The following PIBF1 variants were observed in gnomAD, a reference collection of about 807,000 sequenced individuals.
The protein encoded by PIBF1 is progesterone immunomodulatory binding factor 1, also known as progesterone-induced-blocking factor 1.
In PIBF1, 90 loss-of-function variants were observed where a neutral mutation model predicts 112.5. The observed-to-expected ratio is 0.80, with a 90% CI of 0.67 to 0.95. PIBF1 has a LOEUF of 0.95. Among genes scored for constraint, PIBF1 ranks in the 40% least tolerant of loss-of-function variants. PIBF1 has a pLI of 0.00. For missense variants in PIBF1, 915 were observed against 852.3 expected (o/e 1.07, Z -0.92); for synonymous variants, 301 against 288.6 (o/e 1.04, Z -0.44).
intron 5 of PIBF1, among the ~76,000 whole-genome samples, chr13:72,810,943 G>GC (rs2035978246): frequency 6.7e-6 from 1 of 150,276 alleles, no homozygotes; most frequent in South Asian, 2.1e-4. Flanking sequence ...TGCAAGCTCC[G>GC]CCCCCCAGGT....
intron 11 of PIBF1, among the ~76,000 whole-genome samples, chr13:72,897,870 C>T (rs184170530): frequency 1.1e-4 from 16 of 152,280 alleles, no homozygotes; most frequent in Non-Finnish European, 1.6e-4. Context: ...TTCAGTACTC[C>T]ACTGACAGCA....
intron 2 of PIBF1, among the ~76,000 whole-genome samples, chr13:72,787,111 A>G (rs1199545188): frequency 6.6e-6 from 1 of 152,176 alleles, no homozygotes; most frequent in Non-Finnish European, 1.5e-5. Context: ...ATGTGTGTAT[A>G]TATATGTTTA....
At chr13:72,888,841 C>T (rs563610826) in intron 10 of PIBF1, among the ~76,000 whole-genome samples, 4 of 145,824 alleles carry the variant, frequency 2.7e-5, no homozygotes, top group African/African-American at 1.0e-4. Flanking sequence ...AAACAAACCT[C>T]TTAGATACAC....
intron 16 of PIBF1, chr13:72,974,026 T>C (rs1336696410): frequency 6.8e-6 from 2 of 292,718 alleles, no homozygotes; most frequent in African/African-American, 2.1e-5. Context: ...ATAATTTGTG[T>C]TGAGCTTTAA....
intron 6 of PIBF1, among the ~76,000 whole-genome samples, chr13:72,826,306 C>T (rs1240043283): frequency 6.6e-6 from 1 of 152,046 alleles, no homozygotes; most frequent in African/African-American, 2.4e-5. Flanking sequence ...AAAAGGCTTT[C>T]TAAACGTTTT....
intron 10 of PIBF1, among the ~76,000 whole-genome samples, chr13:72,881,574 G>A (rs1329934479): frequency 6.6e-6 from 1 of 151,958 alleles, no homozygotes; most frequent in Non-Finnish European, 1.5e-5. Context: ...AAATTAGCCA[G>A]GCGTGGTGGT....
intron 16 of PIBF1, among the ~76,000 whole-genome samples, chr13:72,989,532 T>C (rs1285165907): frequency 6.6e-6 from 1 of 152,180 alleles, no homozygotes; most frequent in Non-Finnish European, 1.5e-5. Flanking sequence ...GAACTGGGAA[T>C]TCTACAAGGA....
At chr13:72,872,273 A>G (rs11148924) in intron 10 of PIBF1, among the ~76,000 whole-genome samples, 31,821 of 152,150 alleles carry the variant, frequency 0.21, 3,424 homozygotes, top group Middle Eastern at 0.27. Flanking sequence ...AGAGTTATCA[A>G]TGATTCCTGC....
intron 9 of PIBF1, among the ~76,000 whole-genome samples, chr13:72,846,921 T>C (rs2037902888): frequency 1.3e-5 from 2 of 152,188 alleles, no homozygotes; most frequent in Non-Finnish European, 2.9e-5. Context: ...GTAATATTTA[T>C]TGAATGAAAG....
At position 72,983,047 on chromosome 13, in the gene PIBF1, G is replaced by T. The variant is rs562399467; in HGVS notation, c.2049+9372G>T. ...TGTGGAATATAAAACATCTGTTTTG[G>T]CTGGGCAGGGTAGCTCAGGCCTCTG... On this transcript the variant is annotated intron_variant, in intron 16 of 17. Coordinates refer to ENST00000326291, the MANE Select transcript of PIBF1 (RefSeq NM_006346.4). Among the ~76,000 whole-genome samples the T allele has an allele frequency of 6.6e-5, 10 of 152,224 alleles. No homozygotes were observed. The East Asian group carries it at 1.9e-3, about 29-fold the overall frequency.
rs146458520 is a variant in PIBF1 at position 72,801,661 on chromosome 13, T to C, written c.672+3635T>C. 8.1e-3 allele frequency among the ~76,000 whole-genome samples: 1,237 copies of C among 152,334 alleles called. 34 individuals carry two copies. The highest frequency in any genetic ancestry group is 0.052 in the Admixed American group (799 of 15,292). Reference sequence around the variant, plus strand: ...CTGGTAAACTCAAGTGTTTGGGATATCTGCTTAAAACGCTGTATGATGCTA... The same window carrying C: ...CTGGTAAACTCAAGTGTTTGGGATACCTGCTTAAAACGCTGTATGATGCTA... On this transcript the variant is annotated intron_variant, in intron 5 of 17. Coordinates refer to ENST00000326291, the MANE Select transcript of PIBF1 (RefSeq NM_006346.4).
intron 10 of PIBF1, chr13:72,881,161 C>G (rs2039614214): frequency 6.6e-6 from 1 of 150,644 alleles, no homozygotes; most frequent in African/African-American, 2.4e-5. Context: ...AGGAACCATG[C>G]TAATTTTCTC....
rs576077706 is a variant in PIBF1 at position 72,841,044 on chromosome 13, G to C, written c.1223+5676G>C. On this transcript the variant is annotated intron_variant, in intron 9 of 17. Transcript: ENST00000326291. Reference sequence around the variant, plus strand: ...TTAAAGTATTGAGAGAAAAGAAAGAGAGTAGAAGATATAAAGACTTAAGAA... The same window carrying C: ...TTAAAGTATTGAGAGAAAAGAAAGACAGTAGAAGATATAAAGACTTAAGAA... Among the ~76,000 whole-genome samples the C allele has an allele frequency of 8.9e-4, 136 of 152,312 alleles. 1 individual carries two copies. Among genetic ancestry groups the C allele is most frequent in the African/African-American group, 2.7e-3 (113 of 41,580 alleles).
At chr13:72,931,938 CTTTT>C (rs59274277) in intron 14 of PIBF1, among the ~76,000 whole-genome samples, 1 of 100,834 alleles carries the variant, frequency 9.9e-6, no homozygotes, top group Non-Finnish European at 1.9e-5. Flanking sequence ...TTGTTTCTTT[CTTTT>C]TTTTTTTTTT....
intron 13 of PIBF1, among the ~76,000 whole-genome samples, chr13:72,918,999 G>A (rs1020515775): frequency 2.0e-5 from 3 of 152,068 alleles, no homozygotes; most frequent in Non-Finnish European, 4.4e-5. Context: ...CTACCACGCC[G>A]TGCCAACTAC....
At chr13:72,829,973 TCTC>T (rs1444913825) in intron 8 of PIBF1, among the ~76,000 whole-genome samples, 1 of 152,162 alleles carries the variant, frequency 6.6e-6, no homozygotes, top group Non-Finnish European at 1.5e-5. Context: ...GGTTTGTAGT[TCTC>T]CTTGAAGAGG....
chr13:72,927,524 A>G (rs1333247819), intron 13 of PIBF1, among the ~76,000 whole-genome samples: 3 of 151,734 alleles, frequency 2.0e-5, no homozygotes, highest in African/African-American at 7.3e-5. Flanking sequence ...TTAAAATAAA[A>G]AAAAGATGTG....
intron 12 of PIBF1, among the ~76,000 whole-genome samples, chr13:72,916,334 G>C (rs2041091166): frequency 6.6e-6 from 1 of 151,806 alleles, no homozygotes; most frequent in Non-Finnish European, 1.5e-5. Flanking sequence ...AGAGGTCGCT[G>C]TGAGCAGAGA....
chr13:72,815,017 A>G (rs749578186), intron 5 of PIBF1, among the ~76,000 whole-genome samples: 5 of 152,228 alleles, frequency 3.3e-5, no homozygotes, highest in Non-Finnish European at 7.4e-5. Flanking sequence ...CAACAGGTTC[A>G]CAGATAGATT....
Sources: gnomAD v4.1 joint callset for allele counts (sites outside exome capture counted in the v4.1 genomes callset) on GRCh38, gnomAD v4.1.1 for gene constraint, MANE v1.5 for transcripts, NCBI Gene and HGNC (gene_info 2026-07-23, HGNC 2026-07-21) for gene names.